The following ALK variants were observed in gnomAD, a reference collection of about 807,000 sequenced individuals.
ALK encodes the protein ALK tyrosine kinase receptor.
In ALK, 74 loss-of-function variants were observed where a neutral mutation model predicts 163.1. The ratio of observed to expected loss-of-function variants is 0.45; its 90% CI spans 0.38 to 0.55. The LOEUF is 0.55. ALK is among the 20% of genes least tolerant of loss of function. The pLI is 0.00. For missense variants in ALK, 2,063 were observed against 2,105.3 expected (o/e 0.98, Z 0.39); for synonymous variants, 960 against 843.2 (o/e 1.14, Z -2.40).
At chr2:29,604,438 CAG>C (rs1017268765) in intron 3 of ALK, among the ~76,000 whole-genome samples, 2 of 152,114 alleles carry the variant, frequency 1.3e-5, no homozygotes, top group East Asian at 1.9e-4. Flanking sequence ...CAAACTCCTG[CAG>C]AGTTTTTACT....
intron 3 of ALK, among the ~76,000 whole-genome samples, chr2:29,563,956 T>C (rs964823820): frequency 6.6e-6 from 1 of 152,184 alleles, no homozygotes; most frequent in Non-Finnish European, 1.5e-5. Flanking sequence ...ACCTGCCACC[T>C]CCTAACCTCA....
chr2:29,580,716 A>G (rs1674664539), intron 3 of ALK, among the ~76,000 whole-genome samples: 1 of 152,256 alleles, frequency 6.6e-6, no homozygotes. Context: ...ATTGCCATCC[A>G]GATGACAGTT....
Position 29,836,568 on chromosome 2 carries a change from G to T in ALK, c.667+83425C>A, listed in dbSNP as rs144193001. Among the ~76,000 whole-genome samples the T allele has an allele frequency of 2.0e-5, 3 of 152,362 alleles. No individual in the cohort carries two copies. In the East Asian group the frequency reaches 5.8e-4, roughly 29 times the overall value. On this transcript the variant is annotated intron_variant, in intron 1 of 28. Transcript: ENST00000389048. Reference sequence around the variant, plus strand: ...GCCCCATCCAACTAGAAGAGAGTTTGTCCTGCTAAGTATAAGTAAGTGTAA... The same window carrying T: ...GCCCCATCCAACTAGAAGAGAGTTTTTCCTGCTAAGTATAAGTAAGTGTAA...
intron 5 of ALK, among the ~76,000 whole-genome samples, chr2:29,341,424 C>T (rs1667788172): frequency 6.6e-6 from 1 of 152,230 alleles, no homozygotes. Flanking sequence ...GGCTGATTCA[C>T]AGTGAGTAGC....
At chr2:29,814,660 C>CA (rs70962240) in intron 1 of ALK, among the ~76,000 whole-genome samples, 3 of 149,238 alleles carry the variant, frequency 2.0e-5, no homozygotes, top group African/African-American at 5.0e-5. Context: ...ACTCCCTCTC[C>CA]AAAAAAAGAA....
At chr2:29,730,393 A>C (rs1344424692) in intron 1 of ALK, among the ~76,000 whole-genome samples, 1 of 152,206 alleles carries the variant, frequency 6.6e-6, no homozygotes, top group Non-Finnish European at 1.5e-5. Context: ...GGTACAGTAC[A>C]TTGATTTTAT....
At chr2:29,223,742 T>C in intron 19 of ALK, 1 of 599,030 alleles carries the variant, frequency 1.7e-6, no homozygotes, top group Non-Finnish European at 3.0e-6. Flanking sequence ...AAAAATCAGA[T>C]ATATGGAAAA....
chr2:29,555,396 T>A (rs76066470), intron 3 of ALK, among the ~76,000 whole-genome samples: 1,615 of 152,212 alleles, frequency 0.011, 15 homozygotes, highest in African/African-American at 0.027. Context: ...GACCTCAGGC[T>A]GGGCTGCTGA....
chr2:29,744,039 A>G (rs1319273718), intron 1 of ALK, among the ~76,000 whole-genome samples: 3 of 151,880 alleles, frequency 2.0e-5, no homozygotes, highest in Non-Finnish European at 4.4e-5. Flanking sequence ...ATGCCACTGC[A>G]TGCAAAACTT....
chr2:29,570,081 C>G (rs1674313387), intron 3 of ALK, among the ~76,000 whole-genome samples: 1 of 152,162 alleles, frequency 6.6e-6, no homozygotes, highest in African/African-American at 2.4e-5. Context: ...AACAACAGAG[C>G]CTCTGGGTAG....
intron 1 of ALK, among the ~76,000 whole-genome samples, chr2:29,743,093 T>C (rs187273818): frequency 1.3e-5 from 2 of 152,344 alleles, no homozygotes; most frequent in African/African-American, 4.8e-5. Flanking sequence ...TCTGGGCTCT[T>C]GGTATTTACT....
chr2:29,341,031 C>T (rs536645464), intron 5 of ALK, among the ~76,000 whole-genome samples: 2 of 152,308 alleles, frequency 1.3e-5, no homozygotes, highest in South Asian at 4.1e-4. Flanking sequence ...ACACCTAGCA[C>T]CTGGGAATCA....
At chr2:29,474,604 C>A (rs1205640206) in intron 4 of ALK, among the ~76,000 whole-genome samples, 1 of 152,180 alleles carries the variant, frequency 6.6e-6, no homozygotes, top group Non-Finnish European at 1.5e-5. Context: ...TTTAAAATCA[C>A]ATGTAGATTT....
intron 1 of ALK, among the ~76,000 whole-genome samples, chr2:29,864,802 C>T (rs1004211282): frequency 3.3e-5 from 5 of 152,214 alleles, no homozygotes; most frequent in Non-Finnish European, 4.4e-5. Flanking sequence ...ATGGGAGAGT[C>T]TGCAGTCTGC....
At position 29,395,074 on chromosome 2, in the gene ALK, T is replaced by C. The variant is rs6724739; in HGVS notation, c.1155-11215A>G. On this transcript the variant is annotated intron_variant, in intron 4 of 28. Transcript: ENST00000389048. ...CCGGGATTTCCCAGTCCTAGAAGCATCCTCCCTGCCCATGCTCAAATGATT... is the reference window on the plus strand; with the variant it reads ...CCGGGATTTCCCAGTCCTAGAAGCACCCTCCCTGCCCATGCTCAAATGATT... 3.0e-3 allele frequency among the ~76,000 whole-genome samples: 456 copies of C among 152,244 alleles called. 3 individuals carry two copies. Among genetic ancestry groups the C allele is most frequent in the African/African-American group, 0.01 (436 of 41,538 alleles).
intron 1 of ALK, among the ~76,000 whole-genome samples, chr2:29,827,802 A>T (rs1308446605): frequency 2.0e-5 from 3 of 152,256 alleles, no homozygotes; most frequent in Non-Finnish European, 4.4e-5. Flanking sequence ...TCTTCAAAGA[A>T]TTGGAAAAAA....
At chr2:29,713,579 A>G (rs1171871626) in intron 2 of ALK, among the ~76,000 whole-genome samples, 1 of 152,170 alleles carries the variant, frequency 6.6e-6, no homozygotes, top group Non-Finnish European at 1.5e-5. Flanking sequence ...GGAAGTGGGC[A>G]TGCTCTCCAG....
rs1448176747 is a variant in ALK, at chr2:29,196,819, T to G, written c.4115A>C (p.Asp1372Ala). The change falls in exon 28 of 29, where the codon GAC becomes GCC. Residue 1372 changes from aspartate (D) to alanine (A), a missense_variant. Physicochemically the swap from Asp to Ala is moderately radical, Grantham distance 126. This residue lies in a region of ALK where 403 missense variants were observed against 366.2 expected (regional missense o/e 1.10). Coordinates refer to ENST00000389048, the MANE Select transcript of ALK (RefSeq NM_004304.5). ...MTQCWQHQPEDRPNFAIILER... is the reference protein window; with the variant it reads ...MTQCWQHQPEARPNFAIILER... ...CAAAATGATGGCAAAGTTGGGCCTG[T>G]CTTCAGGCTGATGTTGCCAGCACTG... 6.2e-7 allele frequency: 1 copy of G among 1,614,222 alleles called. No individual in the cohort carries two copies. Among genetic ancestry groups the G allele is most frequent in the South Asian group, 1.1e-5 (1 of 91,088 alleles).
chr2:29,564,487 T>C (rs1318629885), intron 3 of ALK, among the ~76,000 whole-genome samples: 1 of 152,106 alleles, frequency 6.6e-6, no homozygotes, highest in Non-Finnish European at 1.5e-5. Context: ...CCTAGCTATT[T>C]TGAGACCTTG....
Sources: gnomAD v4.1 joint callset for allele counts (sites outside exome capture counted in the v4.1 genomes callset) on GRCh38, gnomAD v4.1.1 for gene constraint, gnomAD v4.1.1 regional missense constraint, MANE v1.5 for transcripts, NCBI Gene and HGNC (gene_info 2026-07-23, HGNC 2026-07-21) for gene names.